The following PLB1 variants were observed in gnomAD, a reference collection of about 807,000 sequenced individuals.
PLB1 encodes phospholipase B1, membrane-associated.
In PLB1, 242 loss-of-function variants were observed where a neutral mutation model predicts 227.4. The observed-to-expected ratio is 1.06, with a 90% CI of 0.96 to 1.18. PLB1 has a LOEUF of 1.18. Among genes scored for constraint, PLB1 ranks in the 50% most tolerant of loss-of-function variants. PLB1 has a pLI of 0.00. For missense variants in PLB1, 1,858 were observed against 1,816.3 expected, an observed-to-expected ratio of 1.02 and a Z score of -0.42; for synonymous variants, 757 against 682.2, an observed-to-expected ratio of 1.11 and a Z score of -1.71.
At chr2:28,560,786 A>G (rs1380704655) in intron 17 of PLB1, among the ~76,000 whole-genome samples, 1 of 152,246 alleles carries the variant, frequency 6.6e-6, no homozygotes, top group Non-Finnish European at 1.5e-5. Flanking sequence ...AGATAAATCT[A>G]TAGAGGCAGA....
intron 43 of PLB1, 72 bp downstream of exon 43, chr2:28,606,639 TCCA>T: frequency 7.3e-7 from 1 of 1,373,864 alleles, no homozygotes; most frequent in South Asian, 1.2e-5. Flanking sequence ...CACTTCGTCC[TCCA>T]CCACAGCTTC....
At chr2:28,526,104 G>A (rs1670225859) in intron 6 of PLB1, among the ~76,000 whole-genome samples, 159 bp downstream of exon 6, 2 of 152,166 alleles carry the variant, frequency 1.3e-5, no homozygotes, top group Admixed American at 6.5e-5. Flanking sequence ...AGGAAGCCAG[G>A]ATATGAAAAA....
intron 33 of PLB1, among the ~76,000 whole-genome samples, chr2:28,597,789 C>T (rs114697771): frequency 0.011 from 1,731 of 152,248 alleles, 17 homozygotes; most frequent in South Asian, 0.036. Flanking sequence ...AAAGAAACAG[C>T]TCTCTCATCT....
chr2:28,529,478 T>C (rs780730098), intron 7 of PLB1, 71 bp downstream of exon 7: 31 of 1,328,906 alleles, frequency 2.3e-5, no homozygotes, highest in Non-Finnish European at 3.0e-5. Context: ...GTGGGAGGAT[T>C]TGGGGGGCTG....
rs777510026 is a variant in PLB1, at chr2:28,629,090, G to A, written c.3727-4G>A. 2 of 1,613,164 alleles carry A rather than the reference G, an allele frequency of 1.2e-6. No individual in the cohort carries two copies. Among genetic ancestry groups the A allele is most frequent in the Non-Finnish European group, 1.7e-6 (2 of 1,179,510 alleles). ...CTAACGAAACCACCCTCCACTCCCTGCAGCTCCCAAGGGCTTTCGTCAACG... is the reference window on the plus strand; with the variant it reads ...CTAACGAAACCACCCTCCACTCCCTACAGCTCCCAAGGGCTTTCGTCAACG... On this transcript the variant is annotated splice_region_variant and splice_polypyrimidine_tract_variant and intron_variant, in intron 52 of 57. Coordinates refer to ENST00000327757, the MANE Select transcript of PLB1 (RefSeq NM_153021.5).
chr2:28,608,523 A>C (rs1461269504), intron 43 of PLB1, among the ~76,000 whole-genome samples: 1 of 152,226 alleles, frequency 6.6e-6, no homozygotes, highest in Non-Finnish European at 1.5e-5. Flanking sequence ...TCTGTGTGCC[A>C]GGTAGGGTGA....
At chr2:28,549,412 CTTTTTT>C (rs746205635) in intron 15 of PLB1, among the ~76,000 whole-genome samples, 2 of 87,276 alleles carry the variant, frequency 2.3e-5, no homozygotes, top group African/African-American at 4.6e-5. Flanking sequence ...GAGATTCTTT[CTTTTTT>C]TTTTTTTTTT....
intron 20 of PLB1, among the ~76,000 whole-genome samples, chr2:28,567,239 C>T (rs1395721356): frequency 6.6e-6 from 1 of 152,100 alleles, no homozygotes; most frequent in Non-Finnish European, 1.5e-5. Context: ...GGTTGTGCGG[C>T]GCCTGCCTTT....
In PLB1 at chr2:28,643,895, A is replaced by G. The variant is rs557991706; in HGVS notation, c.*834A>G. 7.9e-5 allele frequency: 12 copies of G among 152,354 alleles called. No individual in the cohort carries two copies. Among genetic ancestry groups the G allele is most frequent in the African/African-American group, 2.9e-4 (12 of 41,588 alleles). The allele number at this position is 152,354 out of a possible 1,614,324, so 9.4% of individuals were successfully genotyped here. ...AGGGAAAACTAGAGAGAGTCTGAAA[A>G]TATGGGCTGCATTCACTGAGCCCCT... On this transcript the variant is annotated 3_prime_UTR_variant, in exon 58 of 58. Coordinates refer to ENST00000327757, the MANE Select transcript of PLB1 (RefSeq NM_153021.5).
intron 17 of PLB1, among the ~76,000 whole-genome samples, chr2:28,554,328 GA>G (rs1448011920): frequency 6.6e-6 from 1 of 151,574 alleles, no homozygotes; most frequent in Non-Finnish European, 1.5e-5. Context: ...TAGAGAGAGA[GA>G]GAGAAATTTT....
At position 28,620,604 on chromosome 2, in the gene PLB1, G is replaced by T; in HGVS notation, c.3388G>T (p.Gly1130Ter). 6.2e-7 allele frequency: 1 copy of T among 1,613,636 alleles called. No individual in the cohort carries two copies. The highest frequency in any genetic ancestry group is 8.5e-7 in the Non-Finnish European group (1 of 1,179,840). ...TSWRGLSWSI[G>*]GDGNLETHTT... is the part of the protein sequence containing the mutation. ...AATATGCTTTCTCCTCCCCAGCATT[G>T]GAGGGGATGGGAACTTGGAGACTCA... The change falls in exon 48 of 58, where the codon GGA becomes TGA. Residue 1130 changes from glycine to a stop codon, truncating the protein, a stop_gained. Coordinates refer to ENST00000327757, the MANE Select transcript of PLB1 (RefSeq NM_153021.5). LOFTEE classifies it high-confidence loss of function.
At chr2:28,545,994 T>C (rs1673197212) in intron 14 of PLB1, among the ~76,000 whole-genome samples, 1 of 151,900 alleles carries the variant, frequency 6.6e-6, no homozygotes, top group South Asian at 2.1e-4. Context: ...CACGTCAGCA[T>C]CCTCCCTCCC....
chr2:28,549,487 C>T (rs1572907787), intron 15 of PLB1, among the ~76,000 whole-genome samples: 1 of 118,784 alleles, frequency 8.4e-6, no homozygotes, highest in East Asian at 3.0e-4. Flanking sequence ...ACAATCTTGG[C>T]TCACTGCAAC....
rs552035077 is a variant in PLB1, at chr2:28,637,791, C to T, written c.4099-3136C>T. Among the ~76,000 whole-genome samples the T allele has an allele frequency of 4.6e-5, 7 of 152,304 alleles. No individual in the cohort carries two copies. In the South Asian group the frequency reaches 1.4e-3, roughly 32 times the overall value. ...TCACCTCCTTGCCCACTCCACCACTCAACTCAGGTGCCACCTCCTGCAGGA... is the reference window on the plus strand; with the variant it reads ...TCACCTCCTTGCCCACTCCACCACTTAACTCAGGTGCCACCTCCTGCAGGA... On this transcript the variant is annotated intron_variant, in intron 56 of 57. Transcript: ENST00000327757.
rs141057708 is a variant in PLB1 at position 28,509,266 on chromosome 2, C to T, written c.56-7542C>T. Among the ~76,000 whole-genome samples the T allele has an allele frequency of 5.2e-3, 790 of 152,298 alleles. 7 individuals carry two copies. The highest frequency in any genetic ancestry group is 0.018 in the African/African-American group (731 of 41,566). ...ATTTTGCTTTTGAAATCACCCCACC[C>T]GTATGTGGCCAGCTGTTGGACTAAC... On this transcript the variant is annotated intron_variant, in intron 1 of 57. Transcript: ENST00000327757.
At chr2:28,593,654 C>T in intron 32 of PLB1, 27 bp from the exon 33 acceptor site, 18 of 1,608,074 alleles carry the variant, frequency 1.1e-5, no homozygotes, top group Non-Finnish European at 1.5e-5. Flanking sequence ...TGCTAATTTT[C>T]CTATGGACTC....
At chr2:28,593,151 C>G (rs1682281638) in intron 32 of PLB1, among the ~76,000 whole-genome samples, 1 of 152,156 alleles carries the variant, frequency 6.6e-6, no homozygotes, top group Non-Finnish European at 1.5e-5. Flanking sequence ...CTGCTCCTAA[C>G]TTCCAAGAAA....
At position 28,605,882 on chromosome 2, in the gene PLB1, C is replaced by T. The variant is rs138566296; in HGVS notation, c.2991C>T (p.Ala997=). 1.4e-4 allele frequency: 227 copies of T among 1,613,666 alleles called. No homozygotes were observed. The highest frequency in any genetic ancestry group is 1.9e-4 in the Non-Finnish European group (220 of 1,179,792). The change falls in exon 42 of 58, where the codon GCC becomes GCT. Residue 997 remains alanine, a synonymous_variant. Coordinates refer to ENST00000327757, the MANE Select transcript of PLB1 (RefSeq NM_153021.5). ...ADGLPDTSFF[A]PDCIHPNQKF... is the part of the protein sequence containing the mutation. ...GGCTCCCAGATACGTCCTTCTTTGCCCCAGACTGCATCCACCCAAATCAGA... is the reference window on the plus strand; with the variant it reads ...GGCTCCCAGATACGTCCTTCTTTGCTCCAGACTGCATCCACCCAAATCAGA...
Position 28,543,229 on chromosome 2 carries a change from G to T in PLB1, c.897G>T (p.Gln299His). 1 of 1,612,128 alleles carries T rather than the reference G, an allele frequency of 6.2e-7. No homozygotes were observed. The highest frequency in any genetic ancestry group is 8.5e-7 in the Non-Finnish European group (1 of 1,179,332). Residue 299 changes from glutamine to histidine, a missense_variant, in exon 14 of 58, where the codon CAG becomes CAT. Coordinates refer to ENST00000327757, the MANE Select transcript of PLB1 (RefSeq NM_153021.5). ...TCTTTTAGGAGGACCCCCGACTCCAGGATTCTACCACGCTGGCCTGGCATC... is the reference window on the plus strand; with the variant it reads ...TCTTTTAGGAGGACCCCCGACTCCATGATTCTACCACGCTGGCCTGGCATC... ...PSLHSEDPRL[Q>H]DSTTLAWHLW...
Sources: gnomAD v4.1 joint callset for allele counts (sites outside exome capture counted in the v4.1 genomes callset) on GRCh38, gnomAD v4.1.1 for gene constraint, MANE v1.5 for transcripts, NCBI Gene and HGNC (gene_info 2026-07-23, HGNC 2026-07-21) for gene names.